PDE4D: variants seen among roughly 807,000 people sequenced by gnomAD.
PDE4D encodes phosphodiesterase 4D.
PDE4D carries 24 observed loss-of-function variants against 87.4 expected under a neutral mutation model. The observed-to-expected ratio is 0.27, with a 90% confidence interval of 0.20 to 0.39. PDE4D has a LOEUF of 0.39. PDE4D is among the 10% of genes least tolerant of loss of function. The probability of loss-of-function intolerance (pLI) is 1.00; values close to 1 mark genes in which losing one functional copy is unlikely to be tolerated. For synonymous variants in PDE4D, 384 were observed against 383.2 expected (o/e 1.00, Z -0.02); for missense variants, 714 against 1,041.0 (o/e 0.69, Z 4.32).
intron 1 of PDE4D, among the ~76,000 whole-genome samples, chr5:59,891,087 AT>A (rs1220751953): frequency 2.6e-5 from 4 of 152,238 alleles, no homozygotes; most frequent in African/African-American, 9.6e-5. Flanking sequence ...ACAATGATAT[AT>A]CAGGTGAGCC....
At chr5:59,275,794 C>G in intron 1 of PDE4D, 2 of 989,120 alleles carry the variant, frequency 2.0e-6, no homozygotes, top group Non-Finnish European at 2.4e-6. Context: ...TTCTGACACT[C>G]GAAGAGCGCA....
chr5:59,498,348 A>C (rs1234372445), intron 1 of PDE4D, among the ~76,000 whole-genome samples: 2 of 150,958 alleles, frequency 1.3e-5, no homozygotes, highest in Non-Finnish European at 3.0e-5. Flanking sequence ...GCATAGTCAA[A>C]ATTAATATTG....
chr5:59,848,525 C>T (rs1319799037), intron 1 of PDE4D, among the ~76,000 whole-genome samples: 1 of 151,914 alleles, frequency 6.6e-6, no homozygotes, highest in Non-Finnish European at 1.5e-5. Context: ...AATGACATAG[C>T]AAAATACCTT....
intron 1 of PDE4D, among the ~76,000 whole-genome samples, chr5:59,271,583 GC>G (rs1162975396): frequency 6.6e-6 from 1 of 151,992 alleles, no homozygotes; most frequent in Non-Finnish European, 1.5e-5. Flanking sequence ...AAATAAGAAT[GC>G]TAAGCCAGTC....
intron 1 of PDE4D, among the ~76,000 whole-genome samples, chr5:59,519,264 G>A (rs1021587254): frequency 6.6e-6 from 1 of 152,180 alleles, no homozygotes; most frequent in African/African-American, 2.4e-5. Flanking sequence ...TTACATTCTT[G>A]TTGGATGAAA....
At chr5:59,137,589 A>C (rs370629544) in intron 5 of PDE4D, among the ~76,000 whole-genome samples, 4 of 148,922 alleles carry the variant, frequency 2.7e-5, no homozygotes, top group Admixed American at 1.4e-4. Flanking sequence ...TGCAGTGGCG[A>C]GATCTCAGCT....
chr5:59,233,969 G>A (rs1200106296), intron 1 of PDE4D, among the ~76,000 whole-genome samples: 4 of 152,150 alleles, frequency 2.6e-5, no homozygotes, highest in African/African-American at 9.6e-5. Flanking sequence ...AATTCATGGT[G>A]AGGCTATTCA....
At chr5:60,231,648 A>G (rs567280327) in intron 1 of PDE4D, among the ~76,000 whole-genome samples, 35 of 152,082 alleles carry the variant, frequency 2.3e-4, no homozygotes, top group African/African-American at 8.2e-4. Context: ...TGAAAATTCT[A>G]TGAAAAAAAT....
At chr5:60,406,874 A>T (rs1741581661) in intron 1 of PDE4D, among the ~76,000 whole-genome samples, 1 of 152,200 alleles carries the variant, frequency 6.6e-6, no homozygotes, top group Non-Finnish European at 1.5e-5. Flanking sequence ...AAAAAATGGC[A>T]GTAAAAATGA....
At chr5:59,090,140 CTA>C (rs1429059422) in intron 5 of PDE4D, among the ~76,000 whole-genome samples, 1 of 152,092 alleles carries the variant, frequency 6.6e-6, no homozygotes, top group Admixed American at 6.6e-5. Context: ...AGGAATAAAA[CTA>C]TAAAAATTAG....
At chr5:59,953,347 A>G (rs10940650) in intron 3 of PDE4D, among the ~76,000 whole-genome samples, 57,176 of 151,976 alleles carry the variant, frequency 0.38, 12,277 homozygotes, top group East Asian at 0.73. Context: ...AAATATTTAC[A>G]TTGTCTAGAA....
chr5:59,160,681 C>T (rs1013681304), intron 5 of PDE4D, among the ~76,000 whole-genome samples: 1 of 152,092 alleles, frequency 6.6e-6, no homozygotes, highest in African/African-American at 2.4e-5. Flanking sequence ...ATTTGTGAAC[C>T]ACTATCCCTA....
rs143960978 is a variant in PDE4D, at chr5:59,724,996, C to T, written c.455+168172G>A. On this transcript the variant is annotated intron_variant, in intron 1 of 14. Coordinates refer to ENST00000340635, the MANE Select transcript of PDE4D (RefSeq NM_001104631.2). ...AGTTATGTAATATTTTTGAACCTCA[C>T]TTCTTCATCCATAAAATTCAGGATA... is the stretch of plus-strand genomic sequence containing the variant. Among the ~76,000 whole-genome samples the T allele has an allele frequency of 5.2e-3, 794 of 152,192 alleles. 4 individuals carry two copies. The highest frequency in any genetic ancestry group is 0.018 in the African/African-American group (740 of 41,544).
At chr5:60,360,780 T>C (rs1347746704) in intron 1 of PDE4D, among the ~76,000 whole-genome samples, 3 of 152,218 alleles carry the variant, frequency 2.0e-5, no homozygotes, top group Non-Finnish European at 4.4e-5. Flanking sequence ...ATCTGTGCTC[T>C]TGTTATCATC....
chr5:60,435,216 T>C (rs768262859), intron 1 of PDE4D, among the ~76,000 whole-genome samples: 1 of 152,140 alleles, frequency 6.6e-6, no homozygotes, highest in East Asian at 1.9e-4. Context: ...CAATGTGTTA[T>C]GCATTTTTCA....
At chr5:59,444,109 A>G (rs905041421) in intron 1 of PDE4D, among the ~76,000 whole-genome samples, 3 of 152,232 alleles carry the variant, frequency 2.0e-5, no homozygotes, top group African/African-American at 7.2e-5. Flanking sequence ...AGCGAGCTCC[A>G]TGAATACTTA....
chr5:59,967,470 G>A (rs1431361413), intron 3 of PDE4D, among the ~76,000 whole-genome samples: 1 of 152,002 alleles, frequency 6.6e-6, no homozygotes, highest in African/African-American at 2.4e-5. Flanking sequence ...ATGAACAGAA[G>A]ACATACAAGT....
chr5:59,720,664 G>A (rs1755696740), intron 1 of PDE4D, among the ~76,000 whole-genome samples: 1 of 152,104 alleles, frequency 6.6e-6, no homozygotes, highest in Admixed American at 6.6e-5. Context: ...TTACAACTCT[G>A]TGTTTTAAGT....
intron 7 of PDE4D, among the ~76,000 whole-genome samples, chr5:58,992,334 T>C (rs1036392367): frequency 3.3e-5 from 5 of 152,210 alleles, no homozygotes; most frequent in Middle Eastern, 3.2e-3. Context: ...TTATTTCCAC[T>C]GTTCAATTCC....
Sources: allele counts gnomAD v4.1 joint callset (sites outside exome capture counted in the v4.1 genomes callset), GRCh38; gene constraint gnomAD v4.1.1; transcripts MANE v1.5; gene names NCBI Gene and HGNC (gene_info 2026-07-23, HGNC 2026-07-21).